ZSCAN31: variants seen among roughly 807,000 people sequenced by gnomAD.
ZSCAN31 encodes zinc finger and SCAN domain-containing protein 31.
Under a neutral mutation model 22.5 loss-of-function variants are expected in ZSCAN31, and 14 were observed. The ratio of observed to expected loss-of-function variants is 0.62; its 90% CI spans 0.41 to 0.97. The LOEUF is 0.97. Ranked by LOEUF, ZSCAN31 falls within the 50% of genes least tolerant of loss-of-function variation. The probability of loss-of-function intolerance (pLI) is 0.00; values close to 1 mark genes in which losing one functional copy is unlikely to be tolerated. For missense variants in ZSCAN31, 424 were observed against 483.4 expected (o/e 0.88, Z 1.15); for synonymous variants, 168 against 169.8 (o/e 0.99, Z 0.08).
chr6:28,333,335 A>T lies in ZSCAN31; in HGVS notation c.-96+2747T>A, dbSNP rs575626881. Among the ~76,000 whole-genome samples the T allele has an allele frequency of 9.2e-5, 14 of 152,332 alleles. No individual in the cohort carries two copies. The South Asian group carries it at 2.7e-3, about 29-fold the overall frequency. On this transcript the variant is annotated intron_variant, in intron 1 of 3. Transcript: ENST00000344279. This position sits in a 1 kb window ranked among gnomAD's most constrained non-coding sequence, Gnocchi z 4.1. ...TTTAGTCAATAAATGTTCATTGAGC[A>T]CTCATAACATACCAGGTACTTGGCT...
At chr6:28,336,981 C>T (rs1451293971), upstream of ZSCAN31, 1 of 152,012 alleles carries the variant, frequency 6.6e-6, no homozygotes, top group Non-Finnish European at 1.5e-5. Flanking sequence ...CTGCGTAAAA[C>T]AGACGTGCAT....
chr6:28,329,031 A>T (rs1763533064), intron 2 of ZSCAN31, among the ~76,000 whole-genome samples: 1 of 152,122 alleles, frequency 6.6e-6, no homozygotes, highest in Non-Finnish European at 1.5e-5. Context: ...CATGAAGAGT[A>T]CCAACATGGT....
intron 1 of ZSCAN31, among the ~76,000 whole-genome samples, chr6:28,332,798 A>G (rs930205414): frequency 3.3e-5 from 5 of 152,242 alleles, no homozygotes; most frequent in Non-Finnish European, 7.3e-5. Flanking sequence ...GCCCATCTCT[A>G]GATACCACCA....
rs1764684820 is a variant in ZSCAN31, at chr6:28,347,382, C to T, written c.-370-5590G>A. On this transcript the variant is annotated intron_variant, in intron 2 of 7. Transcript: ENST00000396838. The surrounding 1 kb of genome is among the most constrained non-coding windows in gnomAD (Gnocchi z 5.2). ...CCCTTCATCTCCTTCAGATCTTGGCCAGAATGTCACTAGACTTACACCATC... is the reference window on the plus strand; with the variant it reads ...CCCTTCATCTCCTTCAGATCTTGGCTAGAATGTCACTAGACTTACACCATC... 6.6e-6 allele frequency among the ~76,000 whole-genome samples: 1 copy of T among 152,120 alleles called. No individual in the cohort carries two copies. The highest frequency in any genetic ancestry group is 1.5e-5 in the Non-Finnish European group (1 of 68,022).
upstream of ZSCAN31, chr6:28,336,433 A>G (rs1334049359): frequency 6.6e-6 from 1 of 152,286 alleles, no homozygotes; most frequent in Non-Finnish European, 1.5e-5. Context: ...ACAGGAGGCA[A>G]TTCCACGGCC....
Position 28,341,241 on chromosome 6 carries a change from A to G in ZSCAN31, c.-324+505T>C, listed in dbSNP as rs58973509. 8.0e-3 allele frequency among the ~76,000 whole-genome samples: 1,220 copies of G among 152,342 alleles called. 21 individuals are homozygous for G. Among genetic ancestry groups the G allele is most frequent in the African/African-American group, 0.026 (1,099 of 41,574 alleles). On this transcript the variant is annotated intron_variant, in intron 3 of 7. Transcript: ENST00000396838. ...TTCACTTTACACAATGTCTTAGTCT[A>G]TTCAGGCTGCTGTAACAAAATACCT...
chr6:28,331,151 T>C lies in ZSCAN31; in HGVS notation c.-95-1373A>G, dbSNP rs1378620694. 6.6e-6 allele frequency among the ~76,000 whole-genome samples: 1 copy of C among 152,190 alleles called. No individual in the cohort carries two copies. The highest frequency in any genetic ancestry group is 2.4e-5 in the African/African-American group (1 of 41,458). On this transcript the variant is annotated intron_variant, in intron 1 of 3. Coordinates refer to ENST00000344279, the MANE Select transcript of ZSCAN31 (RefSeq NM_030899.5). This position sits in a 1 kb window ranked among gnomAD's most constrained non-coding sequence, Gnocchi z 4.8. ...GGAAAACTGAGAGGCATCAAGGCTT[T>C]TATTTCATTGTTATGGTGTTAGATC... is the stretch of plus-strand genomic sequence containing the variant.
chr6:28,346,342 C>CTTTTTTTTTTTGTTTTTT (rs1764640164), intron 2 of ZSCAN31, among the ~76,000 whole-genome samples: 1 of 87,780 alleles, frequency 1.1e-5, no homozygotes, highest in Non-Finnish European at 2.1e-5. Flanking sequence ...TCAGTACAAT[C>CTTTTTTTTTTTGTTTTTT]TTTTTTTTTT....
Position 28,327,544 on chromosome 6 carries a change from G to T in ZSCAN31, c.382-11C>A. The T allele has an allele frequency of 6.2e-7, 1 of 1,611,166 alleles. No homozygotes were observed. The stretch of plus-strand genomic sequence containing the variant: ...TTCATGGTCTGGAGCCTGAAGGCAG[G>T]TAGGCATATTTGGTTAAAGAGGGGG... On this transcript the variant is annotated splice_polypyrimidine_tract_variant and intron_variant, in intron 2 of 3. Coordinates refer to ENST00000344279, the MANE Select transcript of ZSCAN31 (RefSeq NM_030899.5).
chr6:28,328,421 G>T (rs989808845), intron 2 of ZSCAN31, among the ~76,000 whole-genome samples: 6 of 152,194 alleles, frequency 3.9e-5, no homozygotes, highest in African/African-American at 1.4e-4. Context: ...CTTTCTCAGG[G>T]ATGTTCCTTG....
rs767428727 is a variant in ZSCAN31, at chr6:28,349,713, A to G, written c.-371+4149T>C. 3.3e-5 allele frequency among the ~76,000 whole-genome samples: 5 copies of G among 152,230 alleles called. No individual in the cohort carries two copies. Among genetic ancestry groups the G allele is most frequent in the Admixed American group, 6.5e-5 (1 of 15,282 alleles). ...GCTTCTTTGTGCCACACACGCACACATAATTTAGATTCTTTTTACTCTCTT... is the reference window on the plus strand; with the variant it reads ...GCTTCTTTGTGCCACACACGCACACGTAATTTAGATTCTTTTTACTCTCTT... On this transcript the variant is annotated intron_variant, in intron 2 of 7. Coordinates refer to the ZSCAN31 transcript ENST00000396838. This position sits in a 1 kb window ranked among gnomAD's most constrained non-coding sequence, Gnocchi z 4.1.
chr6:28,352,849 T>C (rs1379685317), intron 2 of ZSCAN31, among the ~76,000 whole-genome samples: 4 of 152,108 alleles, frequency 2.6e-5, no homozygotes, highest in Admixed American at 2.6e-4. Context: ...TTCCCTACCA[T>C]CCTTTGAACT....
Position 28,329,493 on chromosome 6 carries a change from C to CA in ZSCAN31, c.190dup (p.Cys64LeufsTer30). ...GATTTCTGGCCTTAGCCACTGATGA[C>CA]AGAGTTCTCGGAGCCGGCTCAGAGC... On this transcript the variant is annotated frameshift_variant, in exon 2 of 4. Coordinates refer to ENST00000344279, the MANE Select transcript of ZSCAN31 (RefSeq NM_030899.5). LOFTEE classifies it high-confidence loss of function. 1 of 1,614,198 alleles carries CA rather than the reference C, an allele frequency of 6.2e-7. No individual in the cohort carries two copies. The highest frequency in any genetic ancestry group is 8.5e-7 in the Non-Finnish European group (1 of 1,180,040).
At chr6:28,329,212 A>G in intron 2 of ZSCAN31, 91 bp downstream of exon 2, 2 of 1,443,074 alleles carry the variant, frequency 1.4e-6, no homozygotes, top group Non-Finnish European at 9.3e-7. Context: ...CAGAGAACTA[A>G]TACATATAGC....
chr6:28,355,688 A>G (rs1177828073), upstream of ZSCAN31: 1 of 152,242 alleles, frequency 6.6e-6, no homozygotes, highest in East Asian at 1.9e-4. Context: ...CAAGAGAATC[A>G]GAGGTTAATA....
rs1398609325 is a variant in ZSCAN31, at chr6:28,351,982, G to T, written c.-371+1880C>A. Among the ~76,000 whole-genome samples, 2 of 145,674 alleles carry T rather than the reference G, an allele frequency of 1.4e-5. No homozygotes were observed. Among genetic ancestry groups the T allele is most frequent in the Non-Finnish European group, 1.5e-5 (1 of 65,804 alleles). Reference sequence around the variant, plus strand: ...AATAATTGTCTCAAATATTTCTAGAGTTTTTTTTTTTTACAGTCTTTTTAC... The same window carrying T: ...AATAATTGTCTCAAATATTTCTAGATTTTTTTTTTTTTACAGTCTTTTTAC... On this transcript the variant is annotated intron_variant, in intron 2 of 7. Transcript: ENST00000396838. The surrounding 1 kb of genome is among the most constrained non-coding windows in gnomAD (Gnocchi z 4.6).
intron 2 of ZSCAN31, among the ~76,000 whole-genome samples, chr6:28,327,827 TG>T (rs2113789227): frequency 1.3e-5 from 2 of 151,736 alleles, no homozygotes; most frequent in South Asian, 4.2e-4. Context: ...GCAGACGAGA[TG>T]GTATATAACT....
chr6:28,327,455 C>A lies in ZSCAN31; in HGVS notation c.460G>T (p.Asp154Tyr), dbSNP rs1204244769. ...EHLKVKQEPT[D>Y]IQLQPMVTQL... ...GTCACCATAGGCTGAAGCTGTATGT[C>A]TGTTGGTTCCTGCTTGACCTTCAGA... Residue 154 changes from aspartate to tyrosine, a missense_variant, in exon 3 of 4, where the codon GAC becomes TAC. Physicochemically the swap from Asp to Tyr is radical, Grantham distance 160 (BLOSUM62 -3). Coordinates refer to ENST00000344279, the MANE Select transcript of ZSCAN31 (RefSeq NM_030899.5). The A allele has an allele frequency of 1.9e-6, 3 of 1,613,996 alleles. 1 individual carries two copies. The South Asian group carries it at 3.3e-5, about 18-fold the overall frequency.
intron 2 of ZSCAN31, among the ~76,000 whole-genome samples, chr6:28,346,342 CTTTTTTTTTTTTTT>C (rs5875155): frequency 1.1e-5 from 1 of 87,780 alleles, no homozygotes; most frequent in Non-Finnish European, 2.1e-5. Context: ...TCAGTACAAT[CTTTTTTTTTTTTTT>C]TTTTTTTTTT....
Sources: allele counts gnomAD v4.1 joint callset (sites outside exome capture counted in the v4.1 genomes callset), GRCh38; gene constraint gnomAD v4.1.1; non-coding constraint Gnocchi (gnomAD v3.1); transcripts MANE v1.5; gene names NCBI Gene and HGNC (gene_info 2026-07-23, HGNC 2026-07-21).